The following YY1AP1 variants were observed in gnomAD, a reference collection of about 807,000 sequenced individuals.
YY1AP1 encodes the protein YY1-associated protein 1.
YY1AP1 carries 43 observed loss-of-function variants against 39.9 expected under a neutral mutation model. The ratio of observed to expected loss-of-function variants is 1.08; its 90% CI spans 0.84 to 1.39. The LOEUF is 1.39. Among genes scored for constraint, YY1AP1 ranks in the 40% most tolerant of loss-of-function variants. The pLI, the probability that YY1AP1 is intolerant of heterozygous loss-of-function variation, is 0.00. For synonymous variants in YY1AP1, 292 were observed against 331.3 expected, an observed-to-expected ratio of 0.88 and a Z score of 1.29; for missense variants, 813 against 900.7, an observed-to-expected ratio of 0.90 and a Z score of 1.25.
rs530357870 is a variant in YY1AP1 at position 155,680,233 on chromosome 1, T to C, written c.21+183A>G. The C allele has an allele frequency of 7.4e-6, 4 of 538,466 alleles. No individual in the cohort carries two copies. In the South Asian group the frequency reaches 8.9e-5, roughly 12 times the overall value. The allele number at this position is 538,466 out of a possible 1,614,324, so 33.4% of individuals were successfully genotyped here. The stretch of plus-strand genomic sequence containing the variant: ...AAAATTTTAGTAAGAATAACCTACA[T>C]GTGGATAATCAAGAGTCTAGCAGTT... On this transcript the variant is annotated intron_variant, in intron 3 of 10. Coordinates refer to ENST00000355499, the MANE Select transcript of YY1AP1 (RefSeq NM_139119.3).
rs1465399290 is a variant in YY1AP1, at chr1:155,676,749, A to G, written c.126-3T>C. 7 of 1,613,876 alleles carry G rather than the reference A, an allele frequency of 4.3e-6. No individual in the cohort carries two copies. The highest frequency in any genetic ancestry group is 1.3e-5 in the African/African-American group (1 of 74,928). On this transcript the variant is annotated splice_polypyrimidine_tract_variant and splice_region_variant and intron_variant, in intron 4 of 10. Coordinates refer to ENST00000355499, the MANE Select transcript of YY1AP1 (RefSeq NM_139119.3). ...GGTTGGCCAGTAGTTCCTCAAACCTATCCCAAACGGGGATGACTGAATTTG... is the reference window on the plus strand; with the variant it reads ...GGTTGGCCAGTAGTTCCTCAAACCTGTCCCAAACGGGGATGACTGAATTTG...
chr1:155,674,029 C>T (rs374678181), intron 6 of YY1AP1, among the ~76,000 whole-genome samples: 1 of 151,504 alleles, frequency 6.6e-6, no homozygotes, highest in Non-Finnish European at 1.5e-5. Flanking sequence ...GGCATAGTGG[C>T]GGGTGCCTGT....
At chr1:155,676,792 A>G in intron 4 of YY1AP1, 46 bp from the exon 5 acceptor site, 1 of 1,574,318 alleles carries the variant, frequency 6.4e-7, no homozygotes, top group East Asian at 2.2e-5. Context: ...TCCTAGGTCC[A>G]CAACACATCC....
chr1:155,679,361 A>G lies in YY1AP1; in HGVS notation c.125+48T>C, dbSNP rs1259341373. ...TGCAACTTCTGAAAACCTTTTCAGA[A>G]ATAAACTCTTCCTCTATTCCAAATC... is the stretch of plus-strand genomic sequence containing the variant. On this transcript the variant is annotated intron_variant, in intron 4 of 10. Transcript: ENST00000355499. The G allele has an allele frequency of 1.9e-6, 3 of 1,613,558 alleles. No individual in the cohort carries two copies. In the South Asian group the frequency reaches 3.3e-5, roughly 18 times the overall value.
In YY1AP1 at chr1:155,688,727, G is replaced by A. The variant is rs1266987905; in HGVS notation, c.-220C>T. On this transcript the variant is annotated 5_prime_UTR_variant, in exon 1 of 11. Transcript: ENST00000355499. ...CCTCCCCCTCCCTCCCCGCCCGCAC[G>A]GCCACCAACCGCCGCCAAAGCAGCC... 14 of 1,468,108 alleles carry A rather than the reference G, an allele frequency of 9.5e-6. No individual in the cohort carries two copies. Among genetic ancestry groups the A allele is most frequent in the Non-Finnish European group, 1.3e-5 (14 of 1,103,078 alleles). 90.9% of individuals were successfully genotyped at this position (1,468,108 alleles called of 1,614,324 possible). A position where few individuals can be genotyped will look rare whatever the true frequency, so the allele number is the denominator to read the frequency against.
intron 6 of YY1AP1, among the ~76,000 whole-genome samples, chr1:155,673,555 T>C (rs1442195682): frequency 4.6e-5 from 7 of 151,990 alleles, no homozygotes; most frequent in Non-Finnish European, 1.0e-4. Context: ...AAGTATGGTT[T>C]TGTTTTTGTG....
chr1:155,680,555 G>T, intron 2 of YY1AP1, 99 bp from the exon 3 acceptor site: 1 of 1,058,666 alleles, frequency 9.4e-7, no homozygotes, highest in South Asian at 1.3e-5. Context: ...CAAGGCATCT[G>T]ACGAATTCTT....
At chr1:155,664,174 A>AG (rs1241315894) in intron 9 of YY1AP1, among the ~76,000 whole-genome samples, 17 of 151,910 alleles carry the variant, frequency 1.1e-4, no homozygotes, top group Non-Finnish European at 2.4e-4. Context: ...ACACCACACT[A>AG]GGAGTTAGAA....
Position 155,688,678 on chromosome 1 carries a change from A to G in YY1AP1, c.-171T>C, listed in dbSNP as rs1359994954. 1.3e-6 allele frequency: 2 copies of G among 1,531,004 alleles called. No homozygotes were observed. The highest frequency in any genetic ancestry group is 2.0e-5 in the Admixed American group (1 of 49,154). The allele number at this position is 1,531,004 out of a possible 1,614,324, so 94.8% of individuals were successfully genotyped here. A position where few individuals can be genotyped will look rare whatever the true frequency, so the allele number is the denominator to read the frequency against. On this transcript the variant is annotated 5_prime_UTR_variant, in exon 1 of 11. Transcript: ENST00000355499. ...GCGTACCTTCAGCGGCGCGAGCCCA[A>G]GCCTTCTCCACCTCCTCTTCTCTCC...
Position 155,674,991 on chromosome 1 carries a change from C to G in YY1AP1, c.411+19G>C. 6.2e-7 allele frequency: 1 copy of G among 1,601,534 alleles called. No individual in the cohort carries two copies. Among genetic ancestry groups the G allele is most frequent in the Non-Finnish European group, 8.6e-7 (1 of 1,169,004 alleles). ...TTTTATATTCTAGTCTATAGAATTA[C>G]GGCAATTTGGAAACTTACAAGACAT... is the stretch of plus-strand genomic sequence containing the variant. On this transcript the variant is annotated intron_variant, in intron 6 of 10. Transcript: ENST00000355499.
At chr1:155,675,703 C>T (rs929655585) in intron 5 of YY1AP1, among the ~76,000 whole-genome samples, 1 of 152,092 alleles carries the variant, frequency 6.6e-6, no homozygotes, top group Non-Finnish European at 1.5e-5. Context: ...AGCAATCCTC[C>T]CACCTCAGCC....
At chr1:155,680,268 CTT>C in intron 3 of YY1AP1, 146 bp downstream of exon 3, 1 of 764,548 alleles carries the variant, frequency 1.3e-6, no homozygotes, top group Non-Finnish European at 2.0e-6. Flanking sequence ...TAGCAAATTT[CTT>C]TTGTCATTAT....
At position 155,670,555 on chromosome 1, in the gene YY1AP1, C is replaced by T. The variant is rs1245051650; in HGVS notation, c.584-91G>A. 2.2e-6 allele frequency: 3 copies of T among 1,371,488 alleles called. No individual in the cohort carries two copies. In the East Asian group the frequency reaches 7.1e-5, roughly 32 times the overall value. The allele number at this position is 1,371,488 out of a possible 1,614,324, so 85.0% of individuals were successfully genotyped here. On this transcript the variant is annotated intron_variant, in intron 7 of 10. Coordinates refer to ENST00000355499, the MANE Select transcript of YY1AP1 (RefSeq NM_139119.3). Reference sequence around the variant, plus strand: ...AATGCATTTTTGCATTTAGGTAGAGCTGTCCTTATCTAACTTGATTCCCTC... The same window carrying T: ...AATGCATTTTTGCATTTAGGTAGAGTTGTCCTTATCTAACTTGATTCCCTC...
chr1:155,681,859 T>C (rs907915443), intron 2 of YY1AP1, among the ~76,000 whole-genome samples: 1 of 151,766 alleles, frequency 6.6e-6, no homozygotes, highest in Non-Finnish European at 1.5e-5. Context: ...TTTTTTTTTT[T>C]TTTTAAATAG....
chr1:155,671,280 A>C (rs1453959025), intron 7 of YY1AP1, among the ~76,000 whole-genome samples: 1 of 151,844 alleles, frequency 6.6e-6, no homozygotes, highest in Non-Finnish European at 1.5e-5. Flanking sequence ...AAAATGTAAA[A>C]ATTAGCCAGG....
Position 155,670,393 on chromosome 1 carries a change from C to A in YY1AP1, c.655G>T (p.Glu219Ter). 6.2e-7 allele frequency: 1 copy of A among 1,613,944 alleles called. No individual in the cohort carries two copies. The highest frequency in any genetic ancestry group is 8.5e-7 in the Non-Finnish European group (1 of 1,180,030). Residue 219 changes from glutamate to a stop codon, truncating the protein, a stop_gained, in exon 8 of 11, where the codon GAG becomes TAG. Transcript: ENST00000355499. LOFTEE classifies it high-confidence loss of function. ...TTCAGGGAACACACTGGAAGTAACTCTGGATACATGAAAACCTTGCTTGTG... is the reference window on the plus strand; with the variant it reads ...TTCAGGGAACACACTGGAAGTAACTATGGATACATGAAAACCTTGCTTGTG... Reference protein sequence around the residue: ...LATSKVFMYPELLPVCSLKAK... With the variant: ...LATSKVFMYP
In YY1AP1 at chr1:155,668,779, T is replaced by A; in HGVS notation, c.729-2A>T. 6.2e-7 allele frequency: 1 copy of A among 1,614,158 alleles called. No individual in the cohort carries two copies. The highest frequency in any genetic ancestry group is 8.5e-7 in the Non-Finnish European group (1 of 1,180,016). On this transcript the variant is annotated splice_acceptor_variant, in intron 8 of 10. Transcript: ENST00000355499. LOFTEE classifies it high-confidence loss of function. Reference sequence around the variant, plus strand: ...TGCTTCAGTCCTAAAGCTAACAAACTGAGAAAGGAGCAATAACACTAAATC... The same window carrying A: ...TGCTTCAGTCCTAAAGCTAACAAACAGAGAAAGGAGCAATAACACTAAATC...
rs1647899277 is a variant in YY1AP1, at chr1:155,660,480, A to T, written c.1430T>A (p.Phe477Tyr). 4 of 1,614,110 alleles carry T rather than the reference A, an allele frequency of 2.5e-6. No homozygotes were observed. The highest frequency in any genetic ancestry group is 2.2e-5 in the East Asian group (1 of 44,892). Residue 477 changes from phenylalanine to tyrosine, a missense_variant, in exon 11 of 11, where the codon TTT (phenylalanine) becomes TAT (tyrosine). Phe to Tyr is a conservative substitution (Grantham distance 22). Around this residue, in one of 3 missense-constraint regions of YY1AP1, gnomAD observed 586 missense variants for 647.4 expected, o/e 0.91. Transcript: ENST00000355499. ...PPLGVSGGES[F>Y]ESPAALPAMP... is the part of the protein sequence containing the mutation. ...AGCAGGCAGTGCTGCAGGAGACTCAAAACTCTCACCTCCACTGACCCCCAG... is the reference window on the plus strand; with the variant it reads ...AGCAGGCAGTGCTGCAGGAGACTCATAACTCTCACCTCCACTGACCCCCAG...
rs539895576 is a variant in YY1AP1 at position 155,660,128 on chromosome 1, C to T, written c.1782G>A (p.Leu594=). The change falls in exon 11 of 11, where the codon TTG becomes TTA. Residue 594 remains leucine, a synonymous_variant. Coordinates refer to ENST00000355499, the MANE Select transcript of YY1AP1 (RefSeq NM_139119.3). ...SPQTIPIATL[L]VNPTSFPCPL... is the part of the protein sequence containing the mutation. ...GACAGGGGAAGGAAGTAGGGTTAAC[C>T]AAGAGGGTGGCGATGGGAATAGTCT... 72 of 1,614,116 alleles carry T rather than the reference C, an allele frequency of 4.5e-5. 1 individual carries two copies. The highest frequency in any genetic ancestry group is 5.9e-5 in the Non-Finnish European group (70 of 1,180,012).
Sources: allele counts gnomAD v4.1 joint callset (sites outside exome capture counted in the v4.1 genomes callset), GRCh38; gene constraint gnomAD v4.1.1; regional missense constraint gnomAD v4.1.1; transcripts MANE v1.5; gene names NCBI Gene and HGNC (gene_info 2026-07-23, HGNC 2026-07-21).